Variants in ADPRHL1 observed in about 807,000 individuals in gnomAD.
The protein encoded by ADPRHL1 is inactive ADP-ribosyltransferase ARH2.
ADPRHL1 carries 43 observed loss-of-function variants against 44.1 expected under a neutral mutation model. That is an observed-to-expected ratio of 0.98 (90% confidence interval 0.76 to 1.26). ADPRHL1 has a LOEUF of 1.26. ADPRHL1 is among the 50% of genes most tolerant of loss of function. The pLI is 0.00. For synonymous variants in ADPRHL1, 878 were observed against 1,017.4 expected (o/e 0.86, Z 2.61); for missense variants, 2,022 against 2,496.9 (o/e 0.81, Z 4.05).
intron 1 of ADPRHL1, among the ~76,000 whole-genome samples, chr13:113,451,375 G>A (rs572041606): frequency 1.3e-5 from 2 of 152,106 alleles, no homozygotes; most frequent in South Asian, 2.1e-4. Flanking sequence ...GTGGCTTGCC[G>A]CCCACAGTAA....
intron 1 of ADPRHL1, among the ~76,000 whole-genome samples, chr13:113,452,342 C>T (rs921448535): frequency 6.6e-6 from 1 of 152,160 alleles, no homozygotes; most frequent in African/African-American, 2.4e-5. Context: ...GCCACAGGCT[C>T]GATGGCATTC....
Position 113,422,831 on chromosome 13 carries a change from C to A in ADPRHL1, c.1056G>T (p.Glu352Asp). Reference sequence around the variant, plus strand: ...AGTGGCAGAAATGGCTTTACTTCTCCTCTGTGGACAGGCGGTAGAGAGCCG... The same window carrying A: ...AGTGGCAGAAATGGCTTTACTTCTCATCTGTGGACAGGCGGTAGAGAGCCG... ...LGAALYRLST[E>D]ENRKSSKTCS... The change falls in exon 7 of 8, where the codon GAG (glutamate) becomes GAT (aspartate). Residue 352 changes from glutamate to aspartate, a missense_variant. By Grantham distance (45) the Glu-to-Asp change is conservative. This residue lies in a region of ADPRHL1 where 1,221 missense variants were observed against 1,517.8 expected (regional missense o/e 0.80). Transcript: ENST00000612156. The A allele has an allele frequency of 6.2e-7, 1 of 1,612,946 alleles. No homozygotes were observed. Among genetic ancestry groups the A allele is most frequent in the Non-Finnish European group, 8.5e-7 (1 of 1,179,970 alleles).
intron 2 of ADPRHL1, among the ~76,000 whole-genome samples, chr13:113,436,473 ACCCCGGGACCCGGCACCCAGG>A: frequency 6.6e-4 from 2 of 3,026 alleles, no homozygotes; most frequent in Non-Finnish European, 8.3e-4. Flanking sequence ...ACATAGGTGT[ACCCCGGGACCCGGCACCCAGG>A]TGTAGAGTGA....
rs538142448 is a variant in ADPRHL1, at chr13:113,407,523, G to C, written c.1759C>G (p.Arg587Gly). The C allele has an allele frequency of 1.6e-6, 2 of 1,232,104 alleles. No homozygotes were observed. The highest frequency in any genetic ancestry group is 2.0e-6 in the Non-Finnish European group (2 of 988,134). The allele number at this position is 1,232,104 out of a possible 1,614,324, so 76.3% of individuals were successfully genotyped here. The change falls in exon 8 of 8, where the codon CGG (arginine) becomes GGG (glycine). Residue 587 changes from arginine to glycine, a missense_variant. By Grantham distance (125) the Arg-to-Gly change is moderately radical. This residue lies in a region of ADPRHL1 where 1,221 missense variants were observed against 1,517.8 expected (regional missense o/e 0.80). Coordinates refer to ENST00000612156, the MANE Select transcript of ADPRHL1 (RefSeq NM_001394807.1). ...GTGTGCAGCACGCGCACCTCCGGCC[G>C]GTGCATCCTCTTCCTCTGCAGGTTC... ...KRNLQRKRMHRPEVRVLHTAT... is the reference protein window; with the variant it reads ...KRNLQRKRMHGPEVRVLHTAT...
Position 113,453,190 on chromosome 13 carries a change from G to T in ADPRHL1, c.214+34C>A. Reference sequence around the variant, plus strand: ...ACTCGAGCAGCCAGTGTTCCCTCCAGCCCGCACACCGGAGCGCGGTGGGCC... The same window carrying T: ...ACTCGAGCAGCCAGTGTTCCCTCCATCCCGCACACCGGAGCGCGGTGGGCC... On this transcript the variant is annotated intron_variant, in intron 1 of 7. Transcript: ENST00000612156. This position sits in a 1 kb window ranked among gnomAD's most constrained non-coding sequence, Gnocchi z 5.4. The T allele has an allele frequency of 6.2e-7, 1 of 1,610,624 alleles. No individual in the cohort carries two copies. Among genetic ancestry groups the T allele is most frequent in the Non-Finnish European group, 8.5e-7 (1 of 1,177,458 alleles).
At chr13:113,423,861 G>A (rs911979746) in intron 6 of ADPRHL1, among the ~76,000 whole-genome samples, 9 of 152,208 alleles carry the variant, frequency 5.9e-5, no homozygotes, top group Admixed American at 5.2e-4. Context: ...CCAGCCTGAG[G>A]CAGCAGTGGC....
At chr13:113,419,432 G>A (rs1361946002) in intron 7 of ADPRHL1, among the ~76,000 whole-genome samples, 5 of 151,734 alleles carry the variant, frequency 3.3e-5, no homozygotes, top group African/African-American at 1.2e-4. Flanking sequence ...TCATAAGAAT[G>A]TCTTGGAGAA....
intron 7 of ADPRHL1, among the ~76,000 whole-genome samples, chr13:113,410,803 G>A (rs1162068674): frequency 6.6e-6 from 1 of 152,220 alleles, no homozygotes; most frequent in African/African-American, 2.4e-5. Flanking sequence ...CAGCCTGGGG[G>A]CATTGTGCTC....
At chr13:113,421,635 G>A (rs2043924379) in intron 7 of ADPRHL1, among the ~76,000 whole-genome samples, 6 of 152,204 alleles carry the variant, frequency 3.9e-5, no homozygotes, top group Admixed American at 3.3e-4. Flanking sequence ...CTGGGAGTCC[G>A]TGGCCCCCAC....
chr13:113,450,007 A>C (rs1011103179), intron 1 of ADPRHL1, among the ~76,000 whole-genome samples: 7 of 152,216 alleles, frequency 4.6e-5, no homozygotes, highest in African/African-American at 1.7e-4. Context: ...CGGTGATGTG[A>C]GGAGCATGTG....
At chr13:113,427,840 G>A (rs75024394) in intron 4 of ADPRHL1, among the ~76,000 whole-genome samples, 1,616 of 152,144 alleles carry the variant, frequency 0.011, 35 homozygotes, top group African/African-American at 0.037. Flanking sequence ...AGCAGCCCCT[G>A]AGCTGCGTCC....
chr13:113,448,465 C>CAAAAAGA (rs2044157224), intron 1 of ADPRHL1, among the ~76,000 whole-genome samples: 1 of 39,844 alleles, frequency 2.5e-5, no homozygotes, highest in Non-Finnish European at 4.4e-5. Flanking sequence ...GACTATGTCC[C>CAAAAAGA]AAAAAAAAAA....
intron 7 of ADPRHL1, among the ~76,000 whole-genome samples, chr13:113,415,940 T>C (rs2043885360): frequency 1.3e-5 from 2 of 151,926 alleles, no homozygotes; most frequent in Non-Finnish European, 2.9e-5. Flanking sequence ...ATTAGATTTA[T>C]GAAAAAGAAA....
rs914759825 is a variant in ADPRHL1 at position 113,407,748 on chromosome 13, C to T, written c.1534G>A (p.Ala512Thr). The change falls in exon 8 of 8, where the codon GCC becomes ACC. Residue 512 changes from alanine (A) to threonine (T), a missense_variant. Physicochemically the swap from Ala to Thr is moderately conservative, Grantham distance 58. This residue lies in a region of ADPRHL1 where 1,221 missense variants were observed against 1,517.8 expected (regional missense o/e 0.80). Coordinates refer to ENST00000612156, the MANE Select transcript of ADPRHL1 (RefSeq NM_001394807.1). The stretch of plus-strand genomic sequence containing the variant: ...TTCTCCTTCGCCTCCTTCTCCTCGG[C>T]GGCCAAGAATATCTTCAGGATGTTT... ...VKNILKIFLA[A>T]EEKEAKEKEA... is the part of the protein sequence containing the mutation. The T allele has an allele frequency of 2.9e-5, 36 of 1,232,130 alleles. No individual in the cohort carries two copies. The highest frequency in any genetic ancestry group is 1.7e-4 in the Admixed American group (4 of 23,730). The allele number at this position is 1,232,130 out of a possible 1,614,324, so 76.3% of individuals were successfully genotyped here.
intron 2 of ADPRHL1, 76 bp from the exon 3 acceptor site, chr13:113,433,943 A>G: frequency 6.9e-7 from 1 of 1,449,634 alleles, no homozygotes. Context: ...TTTCATGAAT[A>G]ATTTTAAAAG....
rs544097593 is a variant in ADPRHL1 at position 113,420,336 on chromosome 13, C to T, written c.1061+2490G>A. Among the ~76,000 whole-genome samples, 19 of 152,258 alleles carry T rather than the reference C, an allele frequency of 1.2e-4. No homozygotes were observed. The East Asian group carries it at 2.5e-3, about 20-fold the overall frequency. ...TATAATCAGTTTGTAAATAGACTCA[C>T]TTTCTGATTCTCACGGAGGGGTTTG... On this transcript the variant is annotated intron_variant, in intron 7 of 7. Transcript: ENST00000612156.
intron 7 of ADPRHL1, among the ~76,000 whole-genome samples, chr13:113,412,816 A>G (rs1349331057): frequency 9.6e-4 from 80 of 83,306 alleles, no homozygotes; most frequent in Middle Eastern, 8.8e-3. Context: ...AGCACCCCGC[A>G]GAACTCGGTT....
chr13:113,421,710 GACATC>G (rs2043924918), intron 7 of ADPRHL1, among the ~76,000 whole-genome samples: 1 of 152,186 alleles, frequency 6.6e-6, no homozygotes, highest in African/African-American at 2.4e-5. Flanking sequence ...GGAGCATAAA[GACATC>G]ACCACTTTCC....
At chr13:113,416,493 TG>T (rs2043887994) in intron 7 of ADPRHL1, among the ~76,000 whole-genome samples, 1 of 152,054 alleles carries the variant, frequency 6.6e-6, no homozygotes, top group Admixed American at 6.6e-5. Flanking sequence ...GCCTGAGACA[TG>T]AGTAAGTCAG....
Sources: gnomAD v4.1 joint callset for allele counts (sites outside exome capture counted in the v4.1 genomes callset) on GRCh38, gnomAD v4.1.1 for gene constraint, gnomAD v4.1.1 regional missense constraint, Gnocchi (gnomAD v3.1) non-coding constraint, MANE v1.5 for transcripts, NCBI Gene and HGNC (gene_info 2026-07-23, HGNC 2026-07-21) for gene names.